The following CSMD3 variants were observed in gnomAD, a reference collection of about 807,000 sequenced individuals.
CSMD3 encodes CUB and sushi domain-containing protein 3.
In CSMD3, 177 loss-of-function variants were observed where a neutral mutation model predicts 435.2. That is an observed-to-expected ratio of 0.41 (90% CI 0.36 to 0.46). The LOEUF (loss-of-function observed/expected upper bound fraction) is 0.46, where lower values mean the gene tolerates loss of function less well. Among genes scored for constraint, CSMD3 ranks in the 20% least tolerant of loss-of-function variants. CSMD3 has a pLI of 0.34. For missense variants in CSMD3, 4,265 were observed against 4,504.6 expected, an observed-to-expected ratio of 0.95 and a Z score of 1.52; for synonymous variants, 1,656 against 1,520.5, an observed-to-expected ratio of 1.09 and a Z score of -2.07.
chr8:112,948,566 T>C (rs2083694142), intron 8 of CSMD3, among the ~76,000 whole-genome samples: 1 of 152,056 alleles, frequency 6.6e-6, no homozygotes, highest in African/African-American at 2.4e-5. Context: ...TGTGACCACA[T>C]TGGATATCTA....
chr8:112,910,553 C>G (rs961797865), intron 10 of CSMD3, among the ~76,000 whole-genome samples: 1 of 151,762 alleles, frequency 6.6e-6, no homozygotes, highest in African/African-American at 2.4e-5. Context: ...AATGCTATCC[C>G]CTCTATTCTG....
At chr8:112,764,136 A>G (rs2077916704) in intron 13 of CSMD3, among the ~76,000 whole-genome samples, 1 of 151,606 alleles carries the variant, frequency 6.6e-6, no homozygotes, top group South Asian at 2.1e-4. Flanking sequence ...AAATGAACTA[A>G]GAAATGGAAA....
intron 30 of CSMD3, among the ~76,000 whole-genome samples, chr8:112,494,395 T>TTTTTCTTTTCTTTTC (rs770249659): frequency 6.6e-5 from 10 of 150,782 alleles, no homozygotes; most frequent in South Asian, 2.1e-4. Context: ...TACTATTTTC[T>TTTTTCTTTTCTTTTC]TTTTCTTTTC....
chr8:112,853,073 C>G (rs988424527), intron 11 of CSMD3, among the ~76,000 whole-genome samples: 1 of 152,070 alleles, frequency 6.6e-6, no homozygotes, highest in Non-Finnish European at 1.5e-5. Flanking sequence ...GATTCTTCCA[C>G]GGATATTTGT....
At chr8:112,969,781 C>T (rs956971996) in intron 7 of CSMD3, among the ~76,000 whole-genome samples, 4 of 151,970 alleles carry the variant, frequency 2.6e-5, no homozygotes, top group African/African-American at 9.7e-5. Context: ...GACTTGTCCA[C>T]ATATTGAAAA....
At chr8:112,226,123 C>T (rs1418871724) in intron 70 of CSMD3, among the ~76,000 whole-genome samples, 1 of 151,926 alleles carries the variant, frequency 6.6e-6, no homozygotes, top group Non-Finnish European at 1.5e-5. Context: ...ATGCATTTTT[C>T]TGAATTTATC....
intron 1 of CSMD3, among the ~76,000 whole-genome samples, chr8:113,411,722 C>T (rs1193263681): frequency 6.6e-6 from 1 of 152,116 alleles, no homozygotes; most frequent in Non-Finnish European, 1.5e-5. Flanking sequence ...TCCAAATTAG[C>T]CACATTACTT....
chr8:113,283,433 A>G (rs1392655082), intron 2 of CSMD3, among the ~76,000 whole-genome samples: 1 of 152,138 alleles, frequency 6.6e-6, no homozygotes, highest in African/African-American at 2.4e-5. Flanking sequence ...GCATGAATAG[A>G]CAATTCTCAA....
intron 10 of CSMD3, among the ~76,000 whole-genome samples, chr8:112,861,630 A>C (rs1171020987): frequency 1.3e-5 from 2 of 151,914 alleles, no homozygotes; most frequent in African/African-American, 4.8e-5. Context: ...TCCACTAAGG[A>C]TTCTGTAATG....
chr8:112,953,316 C>A lies in CSMD3; in HGVS notation c.1420+1368G>T, dbSNP rs144568340. On this transcript the variant is annotated intron_variant, in intron 8 of 70. Transcript: ENST00000297405. ...TCACCTGGTGATTTTTTAAATTTGTCTTTTTTTATCATAGAAAATACATCT... is the reference window on the plus strand; with the variant it reads ...TCACCTGGTGATTTTTTAAATTTGTATTTTTTTATCATAGAAAATACATCT... Among the ~76,000 whole-genome samples, 848 of 151,298 alleles carry A rather than the reference C, an allele frequency of 5.6e-3. 4 individuals are homozygous for A. The highest frequency in any genetic ancestry group is 0.01 in the Non-Finnish European group (675 of 67,390).
At position 112,291,513 on chromosome 8, in the gene CSMD3, T is replaced by C. The variant is rs755253521; in HGVS notation, c.8971A>G (p.Ile2991Val). 2 of 1,595,548 alleles carry C rather than the reference T, an allele frequency of 1.3e-6. No individual in the cohort carries two copies. Among genetic ancestry groups the C allele is most frequent in the South Asian group, 2.2e-5 (2 of 90,708 alleles). The part of the protein sequence containing the change: ...GQWDKPLPEC[I>V]MIDCGHPGVP... ...ACAATTCACATTATCTACTTACTGA[T>C]ACATTCTGGTAAAGGTTTGTCCCAT... is the stretch of plus-strand genomic sequence containing the variant. Residue 2991 changes from isoleucine to valine, a missense_variant, in exon 56 of 71, where the codon ATC (isoleucine) becomes GTC (valine). Physicochemically the swap from Ile to Val is conservative, Grantham distance 29 (BLOSUM62 3). This residue lies in a region of CSMD3 where 3,255 missense variants were observed against 3,380.2 expected (regional missense o/e 0.96). Coordinates refer to ENST00000297405, the MANE Select transcript of CSMD3 (RefSeq NM_198123.2).
chr8:112,650,437 A>T (rs1056982342), intron 18 of CSMD3, 88 bp from the exon 19 acceptor site: 5 of 1,049,360 alleles, frequency 4.8e-6, no homozygotes, highest in Non-Finnish European at 6.0e-6. Flanking sequence ...AACAATTACA[A>T]GCAATGATTT....
chr8:112,903,669 T>C (rs950917142), intron 10 of CSMD3, among the ~76,000 whole-genome samples: 1 of 151,288 alleles, frequency 6.6e-6, no homozygotes, highest in African/African-American at 2.4e-5. Flanking sequence ...ATTTAACTTA[T>C]TGATAGGTCT....
chr8:112,308,422 T>C lies in CSMD3; in HGVS notation c.7886-2230A>G, dbSNP rs572321947. Among the ~76,000 whole-genome samples the C allele has an allele frequency of 3.9e-5, 6 of 152,176 alleles. No homozygotes were observed. The East Asian group carries it at 1.2e-3, about 29-fold the overall frequency. On this transcript the variant is annotated intron_variant, in intron 50 of 70. Coordinates refer to ENST00000297405, the MANE Select transcript of CSMD3 (RefSeq NM_198123.2). ...GTAAAATGTGGTTCTATTTTAGAACTAAAAAGAGACAACGTACCAGAATAA... is the reference window on the plus strand; with the variant it reads ...GTAAAATGTGGTTCTATTTTAGAACCAAAAAGAGACAACGTACCAGAATAA...
intron 24 of CSMD3, among the ~76,000 whole-genome samples, chr8:112,557,483 C>A (rs1025129069): frequency 6.6e-6 from 1 of 152,008 alleles, no homozygotes; most frequent in South Asian, 2.1e-4. Context: ...TGTGTTGGAA[C>A]TTTCAGTGCC....
chr8:112,375,025 G>C (rs1409120080), intron 38 of CSMD3, among the ~76,000 whole-genome samples: 1 of 152,152 alleles, frequency 6.6e-6, no homozygotes. Context: ...AGAGTTGGTA[G>C]TGTTATTATT....
At chr8:112,972,597 T>G (rs1296744309) in intron 7 of CSMD3, among the ~76,000 whole-genome samples, 2 of 151,926 alleles carry the variant, frequency 1.3e-5, no homozygotes, top group East Asian at 1.9e-4. Context: ...ATTATAACTG[T>G]GACAAAATGT....
intron 6 of CSMD3, among the ~76,000 whole-genome samples, chr8:112,984,063 T>C (rs1167295103): frequency 4.0e-5 from 6 of 151,842 alleles, no homozygotes; most frequent in African/African-American, 1.5e-4. Context: ...AAAAATAGCA[T>C]GTTGGAGGGG....
At chr8:112,857,204 A>C (rs2080686044) in intron 11 of CSMD3, among the ~76,000 whole-genome samples, 1 of 151,798 alleles carries the variant, frequency 6.6e-6, no homozygotes, top group African/African-American at 2.4e-5. Context: ...ATCTTAAAAA[A>C]GTTAACCTAA....
Sources: allele counts gnomAD v4.1 joint callset (sites outside exome capture counted in the v4.1 genomes callset), GRCh38; gene constraint gnomAD v4.1.1; regional missense constraint gnomAD v4.1.1; transcripts MANE v1.5; gene names NCBI Gene and HGNC (gene_info 2026-07-23, HGNC 2026-07-21).